FRMD4B: variants seen among roughly 807,000 people sequenced by gnomAD.
The protein encoded by FRMD4B is FERM domain containing 4B.
Under a neutral mutation model 141.5 loss-of-function variants are expected in FRMD4B, and 74 were observed. That is an observed-to-expected ratio of 0.52 (90% CI 0.43 to 0.63). The LOEUF (loss-of-function observed/expected upper bound fraction) is 0.63. Among genes scored for constraint, FRMD4B ranks in the 30% least tolerant of loss-of-function variants. FRMD4B has a pLI of 0.00. For missense variants in FRMD4B, 1,366 were observed against 1,253.4 expected, an observed-to-expected ratio of 1.09 and a Z score of -1.36; for synonymous variants, 506 against 467.9, an observed-to-expected ratio of 1.08 and a Z score of -1.05.
chr3:69,427,209 G>A (rs1340322827), intron 2 of FRMD4B, among the ~76,000 whole-genome samples: 2 of 150,530 alleles, frequency 1.3e-5, no homozygotes, highest in Admixed American at 6.6e-5. Context: ...TTTTCTGTGG[G>A]AGAAGGGCTC....
intron 2 of FRMD4B, among the ~76,000 whole-genome samples, chr3:69,412,558 C>G (rs1175709583): frequency 6.6e-6 from 1 of 152,188 alleles, no homozygotes. Flanking sequence ...CAAAGTTCTT[C>G]CCTGTAGAGG....
chr3:69,475,469 T>C (rs1471606211), intron 1 of FRMD4B, among the ~76,000 whole-genome samples: 1 of 152,052 alleles, frequency 6.6e-6, no homozygotes, highest in Admixed American at 6.6e-5. Context: ...TGGTTTTTTG[T>C]TCTTACGATA....
intron 1 of FRMD4B, among the ~76,000 whole-genome samples, chr3:69,465,538 C>T (rs865871241): frequency 2.2e-4 from 34 of 152,126 alleles, no homozygotes; most frequent in African/African-American, 8.0e-4. Context: ...TATCCCTCCC[C>T]CAGTCCCCCA....
rs187413594 is a variant in FRMD4B at position 69,523,884 on chromosome 3, T to C, written c.-129+18322A>G. 7.2e-5 allele frequency among the ~76,000 whole-genome samples: 11 copies of C among 152,252 alleles called. No individual in the cohort carries two copies. The East Asian group carries it at 2.1e-3, about 29-fold the overall frequency. On this transcript the variant is annotated intron_variant, in intron 1 of 5. Coordinates refer to the FRMD4B transcript ENST00000459638. ...TTCCCTTACCTTCACTTGCCACATTTACCACCCTACCCAGGGAATCCCTCT... is the reference window on the plus strand; with the variant it reads ...TTCCCTTACCTTCACTTGCCACATTCACCACCCTACCCAGGGAATCCCTCT...
intron 1 of FRMD4B, among the ~76,000 whole-genome samples, chr3:69,317,410 G>A (rs1291508719): frequency 1.3e-5 from 2 of 152,072 alleles, no homozygotes; most frequent in Non-Finnish European, 2.9e-5. Context: ...GTGGAGAAAA[G>A]GAAAGCCACC....
intron 1 of FRMD4B, among the ~76,000 whole-genome samples, chr3:69,438,617 G>A (rs1705296957): frequency 6.6e-6 from 1 of 152,114 alleles, no homozygotes; most frequent in African/African-American, 2.4e-5. Flanking sequence ...AAGGGGAAGT[G>A]TTCATCCAGG....
chr3:69,293,393 C>T (rs1474404512), intron 4 of FRMD4B, among the ~76,000 whole-genome samples: 1 of 139,690 alleles, frequency 7.2e-6, no homozygotes, highest in African/African-American at 2.5e-5. Flanking sequence ...TGCCTCTTAC[C>T]TCTCTTGCCT....
At chr3:69,193,507 T>C (rs2092863545) in intron 17 of FRMD4B, 141 bp downstream of exon 17, 2 of 612,714 alleles carry the variant, frequency 3.3e-6, no homozygotes, top group East Asian at 5.5e-5. Context: ...AAACTCTGTC[T>C]CCAAATAAAA....
upstream of FRMD4B, among the ~76,000 whole-genome samples, chr3:69,390,879 C>T (rs951909307): frequency 1.2e-4 from 18 of 151,966 alleles, no homozygotes; most frequent in Admixed American, 5.2e-4. Flanking sequence ...GGCAACAGAG[C>T]GAGATTCTGT....
In FRMD4B at chr3:69,527,069, C is replaced by A. The variant is rs911859342; in HGVS notation, c.-129+15137G>T. ...CCCACATTCTGGTGCCATTCACACC[C>A]TTTGCTATTTGTGTCCTCCGTCCTG... is the stretch of plus-strand genomic sequence containing the variant. On this transcript the variant is annotated intron_variant, in intron 1 of 5. Transcript: ENST00000459638. 2.0e-5 allele frequency among the ~76,000 whole-genome samples: 3 copies of A among 152,160 alleles called. No homozygotes were observed. The East Asian group carries it at 5.8e-4, about 29-fold the overall frequency.
intron 1 of FRMD4B, among the ~76,000 whole-genome samples, chr3:69,347,493 C>T (rs1702986486): frequency 6.6e-6 from 1 of 152,220 alleles, no homozygotes; most frequent in African/African-American, 2.4e-5. Flanking sequence ...TAATAGACAT[C>T]TACAGAACTC....
chr3:69,479,569 G>C (rs1055344781), intron 1 of FRMD4B, among the ~76,000 whole-genome samples: 8 of 152,202 alleles, frequency 5.3e-5, no homozygotes, highest in Non-Finnish European at 1.0e-4. Context: ...TTTCTGCCAA[G>C]AGATCCCCTA....
At chr3:69,468,746 G>A (rs1443756692) in intron 1 of FRMD4B, among the ~76,000 whole-genome samples, 5 of 152,200 alleles carry the variant, frequency 3.3e-5, no homozygotes, top group Non-Finnish European at 7.3e-5. Context: ...AGGACAGGGG[G>A]AATGAAGCTG....
chr3:69,177,022 T>C (rs938163906), intron 21 of FRMD4B, among the ~76,000 whole-genome samples: 1 of 152,156 alleles, frequency 6.6e-6, no homozygotes, highest in African/African-American at 2.4e-5. Flanking sequence ...AATTGAAAGA[T>C]AAATTTGTCA....
intron 1 of FRMD4B, chr3:69,353,607 A>G (rs1703225513): frequency 1.0e-6 from 1 of 985,306 alleles, no homozygotes; most frequent in Non-Finnish European, 1.2e-6. Flanking sequence ...GACAAAAGAC[A>G]CACGTATTAA....
At chr3:69,314,227 T>A (rs1380794650) in intron 1 of FRMD4B, among the ~76,000 whole-genome samples, 3 of 109,236 alleles carry the variant, frequency 2.7e-5, no homozygotes, top group East Asian at 2.7e-4. Flanking sequence ...AATGTTTTAT[T>A]AAAAAAAAAA....
At chr3:69,270,406 G>T (rs2093588582) in intron 5 of FRMD4B, among the ~76,000 whole-genome samples, 1 of 152,018 alleles carries the variant, frequency 6.6e-6, no homozygotes, top group Non-Finnish European at 1.5e-5. Flanking sequence ...AAAAATAGAT[G>T]ACAGATAGAT....
At chr3:69,304,704 G>A (rs979796119) in intron 3 of FRMD4B, among the ~76,000 whole-genome samples, 2 of 152,054 alleles carry the variant, frequency 1.3e-5, no homozygotes, top group African/African-American at 2.4e-5. Flanking sequence ...TGCCTTTTCC[G>A]AGCTTGTCCA....
At chr3:69,459,608 T>C (rs977585461) in intron 1 of FRMD4B, among the ~76,000 whole-genome samples, 1 of 152,206 alleles carries the variant, frequency 6.6e-6, no homozygotes, top group Admixed American at 6.5e-5. Flanking sequence ...CCAGACTGCA[T>C]ATATTGAAAT....
Sources: allele counts gnomAD v4.1 joint callset (sites outside exome capture counted in the v4.1 genomes callset), GRCh38; gene constraint gnomAD v4.1.1; transcripts MANE v1.5; gene names NCBI Gene and HGNC (gene_info 2026-07-23, HGNC 2026-07-21).